Variants in PCDHA12 observed in about 807,000 individuals in gnomAD.
The protein encoded by PCDHA12 is protocadherin alpha 12, also known as protocadherin alpha-12.
A neutral mutation model predicts 60.0 loss-of-function variants in PCDHA12; 44 were observed. That is an observed-to-expected ratio of 0.73 (90% CI 0.58 to 0.94). PCDHA12 has a LOEUF of 0.94. Among genes scored for constraint, PCDHA12 ranks in the 40% least tolerant of loss-of-function variants. The pLI, the probability that PCDHA12 is intolerant of heterozygous loss-of-function variation, is 0.00. For missense variants in PCDHA12, 1,276 were observed against 1,239.7 expected (o/e 1.03, Z -0.44); for synonymous variants, 569 against 553.0 (o/e 1.03, Z -0.40).
rs2056489032 is a variant in PCDHA12, at chr5:140,876,668, C to T, written c.1196C>T (p.Ser399Phe). 6.2e-7 allele frequency: 1 copy of T among 1,614,198 alleles called. No individual in the cohort carries two copies. The highest frequency in any genetic ancestry group is 8.5e-7 in the Non-Finnish European group (1 of 1,180,036). The change falls in exon 1 of 4, where the codon TCC (serine) becomes TTC (phenylalanine). Residue 399 changes from serine (S) to phenylalanine (F), a missense_variant. Transcript: ENST00000398631. Reference protein sequence around the residue: ...LTPHVPFKLVSTYKNYYSLVL... With the variant: ...LTPHVPFKLVFTYKNYYSLVL... ...CCTCATGTTCCCTTCAAGCTGGTGT[C>T]CACCTACAAGAATTACTACTCGTTG...
intron 1 of PCDHA12, among the ~76,000 whole-genome samples, chr5:140,921,218 T>G (rs1554200138): frequency 6.6e-6 from 1 of 152,126 alleles, no homozygotes; most frequent in African/African-American, 2.4e-5. Context: ...TTCACGTCTT[T>G]TTTGCTAGAT....
intron 1 of PCDHA12, chr5:140,968,899 A>G (rs782594245): frequency 6.2e-7 from 1 of 1,614,130 alleles, no homozygotes; most frequent in Non-Finnish European, 8.5e-7. Context: ...TAATAATAGC[A>G]TTAAGCACAG....
At chr5:140,975,594 A>G (rs914837592) in intron 1 of PCDHA12, among the ~76,000 whole-genome samples, 3 of 152,236 alleles carry the variant, frequency 2.0e-5, no homozygotes, top group Admixed American at 2.0e-4. Flanking sequence ...CCAGAGGGCA[A>G]TTTGTTGATG....
At position 140,875,335 on chromosome 5, in the gene PCDHA12, C is replaced by T. The variant is rs1380813312; in HGVS notation, c.-138C>T. 3 of 1,438,650 alleles carry T rather than the reference C, an allele frequency of 2.1e-6. No individual in the cohort carries two copies. Among genetic ancestry groups the T allele is most frequent in the African/African-American group, 2.9e-5 (2 of 69,688 alleles). The allele number at this position is 1,438,650 out of a possible 1,614,324, so 89.1% of individuals were successfully genotyped here. A position where few individuals can be genotyped will look rare whatever the true frequency, so the allele number is the denominator to read the frequency against. ...ATTCCAATCATTCACGGAATAGGATCGACTCCATAATGACTGTGATGCTGG... is the reference window on the plus strand; with the variant it reads ...ATTCCAATCATTCACGGAATAGGATTGACTCCATAATGACTGTGATGCTGG... On this transcript the variant is annotated 5_prime_UTR_variant, in exon 1 of 4. Transcript: ENST00000398631.
intron 1 of PCDHA12, among the ~76,000 whole-genome samples, chr5:140,878,601 T>A (rs1409343825): frequency 6.6e-6 from 1 of 152,224 alleles, no homozygotes; most frequent in African/African-American, 2.4e-5. Flanking sequence ...ACCAAGTGAA[T>A]CTTCTAATGT....
intron 1 of PCDHA12, among the ~76,000 whole-genome samples, chr5:140,881,865 T>C (rs1380240082): frequency 6.6e-6 from 1 of 152,222 alleles, no homozygotes; most frequent in Non-Finnish European, 1.5e-5. Flanking sequence ...AATAAATTTG[T>C]GGCAAAATGA....
rs782610584 is a variant in PCDHA12 at position 140,883,582 on chromosome 5, G to C, written c.2367+5743G>C. 38 of 1,613,902 alleles carry C rather than the reference G, an allele frequency of 2.4e-5. No homozygotes were observed. The African/African-American group carries it at 3.7e-4, about 16-fold the overall frequency. ...GGGGCTCGCCTTCGCTGTGGGCCAC[G>C]GCCAGCGTGTCGGTGGGGGTGGCCG... is the stretch of plus-strand genomic sequence containing the variant. On this transcript the variant is annotated intron_variant, in intron 1 of 3. Transcript: ENST00000398631.
intron 1 of PCDHA12, among the ~76,000 whole-genome samples, chr5:140,895,738 C>A (rs1554186621): frequency 6.6e-6 from 1 of 152,108 alleles, no homozygotes; most frequent in Non-Finnish European, 1.5e-5. Context: ...CAATGGGCTG[C>A]AAAGGGCATG....
chr5:140,904,328 C>T (rs1469107868), intron 1 of PCDHA12, among the ~76,000 whole-genome samples: 2 of 151,958 alleles, frequency 1.3e-5, no homozygotes, highest in South Asian at 2.1e-4. Flanking sequence ...ATAATGGTCT[C>T]CAGTTCCATC....
At chr5:140,882,481 C>T in intron 1 of PCDHA12, 2 of 1,614,038 alleles carry the variant, frequency 1.2e-6, no homozygotes, top group Middle Eastern at 1.7e-4. Flanking sequence ...CCAAAAGACA[C>T]GGGGACCTTC....
At chr5:140,883,416 G>T in intron 1 of PCDHA12, 1 of 1,614,158 alleles carries the variant, frequency 6.2e-7, no homozygotes, top group Non-Finnish European at 8.5e-7. Context: ...GGCTCAAATG[G>T]ACAGGTCACC....
intron 1 of PCDHA12, among the ~76,000 whole-genome samples, chr5:140,878,370 T>C (rs1049956194): frequency 6.6e-6 from 1 of 152,272 alleles, no homozygotes; most frequent in African/African-American, 2.4e-5. Context: ...GTCTGACATA[T>C]GATGAATGAT....
chr5:140,896,037 C>T (rs1373567434), intron 1 of PCDHA12, among the ~76,000 whole-genome samples: 1 of 152,156 alleles, frequency 6.6e-6, no homozygotes, highest in Non-Finnish European at 1.5e-5. Context: ...TCTCGAACTC[C>T]TGACCTCAGG....
At chr5:140,883,705 T>G (rs251380) in intron 1 of PCDHA12, 1,065,865 of 1,613,504 alleles carry the variant, frequency 0.66, 353,266 homozygotes, top group Middle Eastern at 0.71. Flanking sequence ...CGGTGTCTGC[T>G]CAGGACGCGG....
At position 140,877,006 on chromosome 5, in the gene PCDHA12, G is replaced by T; in HGVS notation, c.1534G>T (p.Ala512Ser). Residue 512 changes from alanine (A) to serine (S), a missense_variant, in exon 1 of 4, where the codon GCG becomes TCG. Ala to Ser is a moderately conservative substitution (Grantham distance 99). Transcript: ENST00000398631. ...HALSSYVSVH[A>S]ESGKVYALQP... The stretch of plus-strand genomic sequence containing the variant: ...ACTGTCGAGCTACGTGTCGGTGCAC[G>T]CGGAGAGCGGCAAGGTGTACGCGCT... 1.2e-6 allele frequency: 2 copies of T among 1,612,484 alleles called. No individual in the cohort carries two copies. Among genetic ancestry groups the T allele is most frequent in the Non-Finnish European group, 1.7e-6 (2 of 1,179,800 alleles).
At position 140,982,472 on chromosome 5, in the gene PCDHA12, C is replaced by T; in HGVS notation, c.2427-3C>T. The stretch of plus-strand genomic sequence containing the variant: ...CGTTATCTGGGTCTGTGTGTTTATT[C>T]AGCTCTGTGCACCTAGAGGAGGCTG... On this transcript the variant is annotated splice_polypyrimidine_tract_variant and splice_region_variant and intron_variant, in intron 2 of 3. Transcript: ENST00000398631. The T allele has an allele frequency of 3.1e-6, 5 of 1,614,144 alleles. No individual in the cohort carries two copies. Among genetic ancestry groups the T allele is most frequent in the Non-Finnish European group, 4.2e-6 (5 of 1,180,022 alleles).
chr5:140,925,673 T>TAATAAA (rs2082657999), intron 1 of PCDHA12, among the ~76,000 whole-genome samples: 1 of 146,030 alleles, frequency 6.8e-6, no homozygotes, highest in Non-Finnish European at 1.5e-5. Context: ...ATAATAATAA[T>TAATAAA]AATAAAGCGA....
intron 1 of PCDHA12, among the ~76,000 whole-genome samples, chr5:140,908,419 A>G (rs782714084): frequency 6.6e-6 from 1 of 152,196 alleles, no homozygotes; most frequent in Non-Finnish European, 1.5e-5. Context: ...TGATGATGGA[A>G]TGCTGCTGTG....
chr5:140,928,234 C>T lies in PCDHA12; in HGVS notation c.2367+50395C>T, dbSNP rs1319421246. The T allele has an allele frequency of 4.3e-6, 7 of 1,614,096 alleles. No homozygotes were observed. In the African/African-American group the frequency reaches 8.0e-5, roughly 18 times the overall value. On this transcript the variant is annotated intron_variant, in intron 1 of 3. Transcript: ENST00000398631. ...TGACAATACACCAAACTTTCCTCAA[C>T]CCCAGCAGGAACTTTTCGTTGCTGA...
Sources: gnomAD v4.1 joint callset for allele counts (sites outside exome capture counted in the v4.1 genomes callset) on GRCh38, gnomAD v4.1.1 for gene constraint, MANE v1.5 for transcripts, NCBI Gene and HGNC (gene_info 2026-07-23, HGNC 2026-07-21) for gene names.